Variants in USP9Y observed in about 807,000 individuals in gnomAD.
USP9Y encodes ubiquitin specific peptidase 9 Y-linked.
USP9Y carries 41 observed loss-of-function variants against 53.1 expected under a neutral mutation model. That is an observed-to-expected ratio of 0.77 (90% confidence interval 0.60 to 1.00). The LOEUF (loss-of-function observed/expected upper bound fraction) is 1.00, where lower values mean the gene tolerates loss of function less well. Ranked by LOEUF, USP9Y falls within the 50% of genes least tolerant of loss-of-function variation. The pLI is 0.00. For synonymous variants in USP9Y, 220 were observed against 173.7 expected (o/e 1.27, Z -2.09); for missense variants, 567 against 535.8 (o/e 1.06, Z -0.58).
At position 12,766,961 on chromosome Y, in the gene USP9Y, C is replaced by G. The variant is rs2148284700; in HGVS notation, c.1901-4107C>G. 2.1e-4 allele frequency among the ~76,000 whole-genome samples: 7 copies of G among 33,381 alleles called. No homozygotes were observed. In the East Asian group the frequency reaches 5.6e-3, roughly 27 times the overall value. The allele number at this position is 33,381 out of a possible 37,273, so 89.6% of individuals were successfully genotyped here. On this transcript the variant is annotated intron_variant, in intron 15 of 45. Transcript: ENST00000338981. Reference sequence around the variant, plus strand: ...CTGGGTCTGACCCGCAGACTCTGGCCAAGCGACGGATGAGAAAATGTACGC... The same window carrying G: ...CTGGGTCTGACCCGCAGACTCTGGCGAAGCGACGGATGAGAAAATGTACGC...
intron 32 of USP9Y, 134 bp downstream of exon 32, chrY:12,816,478 T>C: frequency 5.6e-6 from 1 of 179,533 alleles, no homozygotes; most frequent in African/African-American, 8.0e-5. Flanking sequence ...AGATACTATG[T>C]CTGGCATACT....
chrY:12,828,895 A>G, intron 33 of USP9Y, among the ~76,000 whole-genome samples: 1 of 33,158 alleles, frequency 3.0e-5, no homozygotes, highest in African/African-American at 1.2e-4. Flanking sequence ...AAAAAAACCA[A>G]CAACATTGAA....
Position 12,797,166 on chromosome Y carries a change from A to G in USP9Y, c.3983+3965A>G, listed in dbSNP as rs2148287585. Among the ~76,000 whole-genome samples, 3 of 33,941 alleles carry G rather than the reference A, an allele frequency of 8.8e-5. No homozygotes were observed. In the East Asian group the frequency reaches 2.3e-3, roughly 26 times the overall value. 91.1% of individuals were successfully genotyped at this position (33,941 alleles called of 37,273 possible). A position where few individuals can be genotyped will look rare whatever the true frequency, so the allele number is the denominator to read the frequency against. ...TATTTTATTGAGGATTTTTGCATGT[A>G]TATTGTTGTCAATGAAAAGAATCAA... is the stretch of plus-strand genomic sequence containing the variant. On this transcript the variant is annotated intron_variant, in intron 27 of 45. Transcript: ENST00000338981.
intron 38 of USP9Y, 115 bp downstream of exon 38, chrY:12,842,580 A>G: frequency 5.7e-6 from 1 of 174,222 alleles, no homozygotes; most frequent in Non-Finnish European, 1.0e-5. Flanking sequence ...TTCACCATAA[A>G]CAAATTCATA....
chrY:12,707,395 G>C, intron 1 of USP9Y, among the ~76,000 whole-genome samples: 3 of 33,950 alleles, frequency 8.8e-5, no homozygotes. Context: ...GGGATTACAG[G>C]TGTGAGCCAC....
At chrY:12,752,094 C>T (rs2053464590) in intron 12 of USP9Y, among the ~76,000 whole-genome samples, 1 of 32,256 alleles carries the variant, frequency 3.1e-5, no homozygotes, top group Non-Finnish European at 7.6e-5. Context: ...TTTTGCTTAC[C>T]GTAAAAATTT....
chrY:12,760,569 G>A lies in USP9Y; in HGVS notation c.1852G>A (p.Ala618Thr), dbSNP rs1382808217. ...AAATCATGCTTTAGTTACTTTGGTAGCAGAAAACCTTGCAACCTACATGAA... is the reference window on the plus strand; with the variant it reads ...AAATCATGCTTTAGTTACTTTGGTAACAGAAAACCTTGCAACCTACATGAA... ...QQNHALVTLV[A>T]ENLATYMNSI... The change falls in exon 15 of 46, where the codon GCA becomes ACA. Residue 618 changes from alanine to threonine, a missense_variant. Coordinates refer to ENST00000338981, the MANE Select transcript of USP9Y (RefSeq NM_004654.4). 1 of 398,358 alleles carries A rather than the reference G, an allele frequency of 2.5e-6. No individual in the cohort carries two copies. Among genetic ancestry groups the A allele is most frequent in the Admixed American group, 7.4e-5 (1 of 13,489 alleles).
intron 42 of USP9Y, among the ~76,000 whole-genome samples, chrY:12,854,765 A>G: frequency 3.0e-5 from 1 of 33,896 alleles, no homozygotes. Context: ...TATCTTATCC[A>G]AGGAAGTGAT....
chrY:12,857,603 C>G lies in USP9Y; in HGVS notation c.7472C>G (p.Pro2491Arg). The G allele has an allele frequency of 2.6e-6, 1 of 387,536 alleles. No individual in the cohort carries two copies. The highest frequency in any genetic ancestry group is 3.2e-5 in the South Asian group (1 of 31,715). The change falls in exon 45 of 46, where the codon CCC (proline) becomes CGC (arginine). Residue 2491 changes from proline (P) to arginine (R), a missense_variant. Physicochemically the swap from Pro to Arg is moderately radical, Grantham distance 103. Transcript: ENST00000338981. ...CAGGATGCCCCAGATGAGCATGAGCCCTCTCCATCAGAAGATGCCCCATTA... is the reference window on the plus strand; with the variant it reads ...CAGGATGCCCCAGATGAGCATGAGCGCTCTCCATCAGAAGATGCCCCATTA... ...DDQDAPDEHE[P>R]SPSEDAPLYP...
chrY:12,735,645 A>G lies in USP9Y; in HGVS notation c.691A>G (p.Thr231Ala). ...AGTGGATCTCATCAATAAATTTGGC[A>G]CATTAAATGGGTTCCAGATTTTGCA... ...WLVDLINKFG[T>A]LNGFQILHDR... The change falls in exon 8 of 46, where the codon ACA (threonine) becomes GCA (alanine). Residue 231 changes from threonine (T) to alanine (A), a missense_variant. By Grantham distance (58) the Thr-to-Ala change is moderately conservative. Transcript: ENST00000338981. 1 of 396,088 alleles carries G rather than the reference A, an allele frequency of 2.5e-6. No individual in the cohort carries two copies. The highest frequency in any genetic ancestry group is 3.5e-6 in the Non-Finnish European group (1 of 281,863).
In USP9Y at chrY:12,839,901, C is replaced by T; in HGVS notation, c.5375C>T (p.Pro1792Leu). ...AAGCGCCTGCTAATTAAAAAATTGC[C>T]TCGGGTTCTTGCTATCCAACTCAAA... ...TVKRLLIKKL[P>L]RVLAIQLKRF... The change falls in exon 36 of 46, where the codon CCT becomes CTT. Residue 1792 changes from proline (P) to leucine (L), a missense_variant. Transcript: ENST00000338981. 5.0e-6 allele frequency: 2 copies of T among 398,049 alleles called. No homozygotes were observed. Among genetic ancestry groups the T allele is most frequent in the Non-Finnish European group, 7.1e-6 (2 of 283,182 alleles).
rs776116559 is a variant in USP9Y at position 12,735,684 on chromosome Y, A to G, written c.730A>G (p.Asn244Asp). The change falls in exon 8 of 46, where the codon AAT (asparagine) becomes GAT (aspartate). Residue 244 changes from asparagine (N) to aspartate (D), a missense_variant. Transcript: ENST00000338981. ...CCAGATTTTGCATGATCGTTTTTTT[A>G]ATGGATCAGCATTAAATATTCAAAT... ...GFQILHDRFF[N>D]GSALNIQIIA... 1.5e-5 allele frequency: 6 copies of G among 394,247 alleles called. No homozygotes were observed. The Admixed American group carries it at 3.0e-4, about 20-fold the overall frequency.
chrY:12,721,686 A>C, intron 4 of USP9Y, among the ~76,000 whole-genome samples: 1 of 33,223 alleles, frequency 3.0e-5, no homozygotes, highest in Non-Finnish European at 7.4e-5. Context: ...TTTTGTTGAG[A>C]TCTAATTTCT....
chrY:12,734,702 T>G, intron 7 of USP9Y, among the ~76,000 whole-genome samples: 1 of 33,929 alleles, frequency 2.9e-5, no homozygotes, highest in Non-Finnish European at 7.3e-5. Flanking sequence ...CTTTAAAAGT[T>G]ATTTTTTATT....
At chrY:12,777,619 G>A in intron 19 of USP9Y, among the ~76,000 whole-genome samples, 1 of 33,420 alleles carries the variant, frequency 3.0e-5, no homozygotes, top group East Asian at 7.7e-4. Context: ...TGACAGAAAT[G>A]TGCATTTTAG....
At chrY:12,723,766 A>G in intron 5 of USP9Y, among the ~76,000 whole-genome samples, 1 of 33,180 alleles carries the variant, frequency 3.0e-5, no homozygotes, top group Non-Finnish European at 7.4e-5. Flanking sequence ...TTCAGCAGGA[A>G]CTTAACTGTC....
chrY:12,844,916 A>G, intron 39 of USP9Y, among the ~76,000 whole-genome samples: 1 of 33,707 alleles, frequency 3.0e-5, no homozygotes, highest in Non-Finnish European at 7.3e-5. Context: ...GCAGCTTGCC[A>G]GGAGAAAGGG....
In USP9Y at chrY:12,856,812, A is replaced by G; in HGVS notation, c.7401A>G (p.Thr2467=). 1 of 396,106 alleles carries G rather than the reference A, an allele frequency of 2.5e-6. No homozygotes were observed. Residue 2467 remains threonine (T), a synonymous_variant, in exon 44 of 46, where the codon ACA becomes ACG. Transcript: ENST00000338981. ...FLERSHSARM[T]LAKACELCPE... ...AAAGATCACATAGTGCTAGGATGACACTTGCAAAAGCTTGTGAACTCTGTC... is the reference window on the plus strand; with the variant it reads ...AAAGATCACATAGTGCTAGGATGACGCTTGCAAAAGCTTGTGAACTCTGTC...
At chrY:12,767,608 G>A in intron 15 of USP9Y, among the ~76,000 whole-genome samples, 1 of 27,004 alleles carries the variant, frequency 3.7e-5, no homozygotes, top group African/African-American at 1.5e-4. Flanking sequence ...GTGTGTATCT[G>A]TGTGTGTGTG....
Sources: gnomAD v4.1 joint callset for allele counts (sites outside exome capture counted in the v4.1 genomes callset) on GRCh38, gnomAD v4.1.1 for gene constraint, MANE v1.5 for transcripts, NCBI Gene and HGNC (gene_info 2026-07-23, HGNC 2026-07-21) for gene names.